The following CDH23 variants were observed in gnomAD, a reference collection of about 807,000 sequenced individuals.
The protein encoded by CDH23 is cadherin related 23.
In CDH23, 189 loss-of-function variants were observed where a neutral mutation model predicts 317.1. The ratio of observed to expected loss-of-function variants is 0.60; its 90% CI spans 0.53 to 0.67. The LOEUF (loss-of-function observed/expected upper bound fraction) is 0.67, where lower values mean the gene tolerates loss of function less well. Ranked by LOEUF, CDH23 falls within the 30% of genes least tolerant of loss-of-function variation. CDH23 has a pLI of 0.00. For synonymous variants in CDH23, 1,839 were observed against 1,876.8 expected, an observed-to-expected ratio of 0.98 and a Z score of 0.52; for missense variants, 4,401 against 4,592.4, an observed-to-expected ratio of 0.96 and a Z score of 1.20.
intron 9 of CDH23, among the ~76,000 whole-genome samples, chr10:71,583,423 G>A (rs780725984): frequency 6.6e-6 from 1 of 152,112 alleles, no homozygotes; most frequent in Non-Finnish European, 1.5e-5. Context: ...GCCCACTGTG[G>A]TCAAGGTGGA....
At chr10:71,766,506 C>T (rs1383918773) in intron 38 of CDH23, among the ~76,000 whole-genome samples, 6 of 152,186 alleles carry the variant, frequency 3.9e-5, no homozygotes, top group Admixed American at 6.5e-5. Flanking sequence ...TAGTTGTGCC[C>T]TCATTGTGTG....
intron 17 of CDH23, among the ~76,000 whole-genome samples, chr10:71,681,672 C>T (rs1027779000): frequency 6.6e-6 from 1 of 152,218 alleles, no homozygotes; most frequent in Non-Finnish European, 1.5e-5. Flanking sequence ...GGCAGTGGCT[C>T]ACGCCTGTAA....
chr10:71,467,221 A>G (rs533657684), intron 3 of CDH23, among the ~76,000 whole-genome samples: 1 of 152,304 alleles, frequency 6.6e-6, no homozygotes, highest in East Asian at 1.9e-4. Context: ...ACCTCAGTTC[A>G]GTGTATTAAC....
intron 3 of CDH23, among the ~76,000 whole-genome samples, chr10:71,501,664 C>T (rs1180880430): frequency 1.3e-5 from 2 of 152,146 alleles, no homozygotes; most frequent in Admixed American, 1.3e-4. Context: ...GGAGGTGGGA[C>T]CTAAGACAAA....
intron 38 of CDH23, among the ~76,000 whole-genome samples, chr10:71,758,378 G>T (rs1200256639): frequency 6.6e-6 from 1 of 152,196 alleles, no homozygotes; most frequent in Non-Finnish European, 1.5e-5. Flanking sequence ...GACACATACA[G>T]GGTATAGAGG....
intron 18 of CDH23, among the ~76,000 whole-genome samples, chr10:71,682,897 G>A (rs1254261797): frequency 3.3e-5 from 5 of 152,170 alleles, no homozygotes; most frequent in East Asian, 1.9e-4. Context: ...AGGAAATGTC[G>A]TGGGCTTCCT....
intron 28 of CDH23, among the ~76,000 whole-genome samples, chr10:71,718,469 C>T (rs986896415): frequency 2.1e-4 from 32 of 152,142 alleles, no homozygotes; most frequent in Non-Finnish European, 2.8e-4. Context: ...TCCGCCTTTG[C>T]GGCATCAGGC....
At chr10:71,410,347 T>A (rs148946867) in intron 1 of CDH23, among the ~76,000 whole-genome samples, 43 of 151,784 alleles carry the variant, frequency 2.8e-4, no homozygotes, top group African/African-American at 1.0e-3. Flanking sequence ...AGGCTGTAGG[T>A]TGAGGGGGTG....
chr10:71,465,506 C>T lies in CDH23; in HGVS notation c.145+19111C>T, dbSNP rs543590529. ...TGGCCTGGGTAATAGAAACGGAGGGCCCTGAGCCATCGAGTGCCACCGAGT... is the reference window on the plus strand; with the variant it reads ...TGGCCTGGGTAATAGAAACGGAGGGTCCTGAGCCATCGAGTGCCACCGAGT... On this transcript the variant is annotated intron_variant, in intron 3 of 69. Transcript: ENST00000224721. Among the ~76,000 whole-genome samples the T allele has an allele frequency of 2.6e-5, 4 of 152,358 alleles. No individual in the cohort carries two copies. In the South Asian group the frequency reaches 6.2e-4, roughly 24 times the overall value.
intron 33 of CDH23, 23 bp downstream of exon 33, chr10:71,734,364 T>G: frequency 6.3e-7 from 1 of 1,587,620 alleles, no homozygotes; most frequent in Non-Finnish European, 8.6e-7. Flanking sequence ...AGGGTGAGAG[T>G]CCCTCAGGTG....
At chr10:71,715,353 C>T (rs1866161727) in intron 28 of CDH23, 1 of 152,212 alleles carries the variant, frequency 6.6e-6, no homozygotes, top group Admixed American at 6.5e-5. Flanking sequence ...AGCTGGCACC[C>T]AGGCATCTGT....
chr10:71,421,151 C>A (rs372851988), intron 1 of CDH23, among the ~76,000 whole-genome samples: 1 of 152,250 alleles, frequency 6.6e-6, no homozygotes, highest in Non-Finnish European at 1.5e-5. Flanking sequence ...AAAGATGAAG[C>A]CTGTGATCCC....
At chr10:71,654,874 C>G (rs1238629008) in intron 14 of CDH23, among the ~76,000 whole-genome samples, 1 of 152,166 alleles carries the variant, frequency 6.6e-6, no homozygotes, top group Non-Finnish European at 1.5e-5. Flanking sequence ...CCAAGTCACA[C>G]TGCATCATTT....
chr10:71,616,815 C>T (rs1223051479), intron 10 of CDH23, among the ~76,000 whole-genome samples: 4 of 152,212 alleles, frequency 2.6e-5, no homozygotes, highest in African/African-American at 9.7e-5. Flanking sequence ...TGATTAACCA[C>T]CAGCACAAAC....
intron 25 of CDH23, 82 bp downstream of exon 25, chr10:71,705,212 A>T (rs1364070523): frequency 1.5e-6 from 2 of 1,309,998 alleles, no homozygotes; most frequent in African/African-American, 3.0e-5. Flanking sequence ...AGGGGAGCCC[A>T]TGTCCCCCAC....
chr10:71,523,594 G>A (rs56948375), intron 6 of CDH23, among the ~76,000 whole-genome samples: 10,089 of 152,170 alleles, frequency 0.066, 479 homozygotes, highest in South Asian at 0.16. Context: ...GCCAGCAGCC[G>A]GGGGGAAATA....
At chr10:71,543,939 C>T (rs1399290134) in intron 6 of CDH23, among the ~76,000 whole-genome samples, 1 of 151,684 alleles carries the variant, frequency 6.6e-6, no homozygotes, top group Non-Finnish European at 1.5e-5. Context: ...TAAAACAAAG[C>T]TTGAGAAGGA....
At chr10:71,441,831 A>G (rs1404551776) in intron 2 of CDH23, among the ~76,000 whole-genome samples, 5 of 152,184 alleles carry the variant, frequency 3.3e-5, no homozygotes, top group Non-Finnish European at 7.3e-5. Flanking sequence ...AGCTCTCCAG[A>G]TGAAAGATGC....
chr10:71,764,627 T>C (rs1840483685), intron 38 of CDH23, among the ~76,000 whole-genome samples: 2 of 152,192 alleles, frequency 1.3e-5, no homozygotes, highest in South Asian at 4.1e-4. Context: ...GTAGCAGCTT[T>C]TGGGGGGCAC....
Sources: gnomAD v4.1 joint callset for allele counts (sites outside exome capture counted in the v4.1 genomes callset) on GRCh38, gnomAD v4.1.1 for gene constraint, MANE v1.5 for transcripts, NCBI Gene and HGNC (gene_info 2026-07-23, HGNC 2026-07-21) for gene names.